Variants in MAN2A1 observed in about 807,000 individuals in gnomAD.
The protein encoded by MAN2A1 is alpha-mannosidase 2.
A neutral mutation model predicts 142.6 loss-of-function variants in MAN2A1; 76 were observed. The observed-to-expected ratio is 0.53, with a 90% confidence interval of 0.44 to 0.65. The LOEUF (loss-of-function observed/expected upper bound fraction) is 0.65. MAN2A1 is among the 30% of genes least tolerant of loss of function. The pLI, the probability that MAN2A1 is intolerant of heterozygous loss-of-function variation, is 0.00. For missense variants in MAN2A1, 1,311 were observed against 1,365.1 expected (o/e 0.96, Z 0.62); for synonymous variants, 559 against 473.2 (o/e 1.18, Z -2.35).
In MAN2A1 at chr5:109,845,053, TG is replaced by T. The variant is rs558095498; in HGVS notation, c.2701-809del. On this transcript the variant is annotated intron_variant, in intron 17 of 21. Coordinates refer to ENST00000261483, the MANE Select transcript of MAN2A1 (RefSeq NM_002372.4). Reference sequence around the variant, plus strand: ...TACTCCGGACCATGCCTTTCGTTAATGGGCACTTAATACATGTTAACTATTA... The same window carrying T: ...TACTCCGGACCATGCCTTTCGTTAATGGCACTTAATACATGTTAACTATTA... 2.1e-3 allele frequency among the ~76,000 whole-genome samples: 321 copies of T among 152,344 alleles called. 4 individuals are homozygous for T. Among genetic ancestry groups the T allele is most frequent in the Admixed American group, 3.5e-3 (53 of 15,298 alleles).
chr5:109,746,601 A>G (rs940975304), intron 4 of MAN2A1, among the ~76,000 whole-genome samples: 1 of 101,030 alleles, frequency 9.9e-6, no homozygotes, highest in East Asian at 2.6e-4. Flanking sequence ...GAGTGGGTCT[A>G]TTTTTTAAAT....
chr5:109,795,261 G>C (rs753987144), intron 12 of MAN2A1, among the ~76,000 whole-genome samples: 1 of 151,932 alleles, frequency 6.6e-6, no homozygotes, highest in Admixed American at 6.6e-5. Flanking sequence ...AGGAGAAAAG[G>C]CTCCACCTTT....
intron 5 of MAN2A1, among the ~76,000 whole-genome samples, chr5:109,762,696 A>T (rs1752884723): frequency 6.6e-6 from 1 of 152,104 alleles, no homozygotes; most frequent in African/African-American, 2.4e-5. Context: ...CAGGGGATGT[A>T]CTTATGACTC....
intron 4 of MAN2A1, among the ~76,000 whole-genome samples, chr5:109,737,196 G>C (rs756555980): frequency 6.8e-6 from 1 of 147,850 alleles, no homozygotes; most frequent in African/African-American, 2.5e-5. Context: ...CAGTTCAAGC[G>C]GTTCTCCTCC....
chr5:109,743,080 A>T (rs1330983228), intron 4 of MAN2A1, among the ~76,000 whole-genome samples: 1 of 152,032 alleles, frequency 6.6e-6, no homozygotes, highest in Non-Finnish European at 1.5e-5. Flanking sequence ...CGATCACTCC[A>T]TTCTCCTCGA....
At chr5:109,772,549 A>C (rs898944241) in intron 7 of MAN2A1, among the ~76,000 whole-genome samples, 16 of 152,150 alleles carry the variant, frequency 1.1e-4, no homozygotes, top group African/African-American at 3.9e-4. Flanking sequence ...TCTTTCTGTC[A>C]CCCAGGCTGA....
intron 16 of MAN2A1, among the ~76,000 whole-genome samples, chr5:109,833,451 C>T (rs1012333225): frequency 8.5e-5 from 13 of 152,126 alleles, no homozygotes; most frequent in South Asian, 2.1e-4. Context: ...GCAGATCACT[C>T]GTGGTTAGGA....
At chr5:109,792,447 C>G (rs1323517879) in intron 12 of MAN2A1, among the ~76,000 whole-genome samples, 1 of 152,032 alleles carries the variant, frequency 6.6e-6, no homozygotes, top group Non-Finnish European at 1.5e-5. Flanking sequence ...TTATTTATTA[C>G]ATGAAGTTAT....
chr5:109,818,634 TATC>T (rs1754537027), intron 13 of MAN2A1, among the ~76,000 whole-genome samples: 1 of 152,122 alleles, frequency 6.6e-6, no homozygotes, highest in Non-Finnish European at 1.5e-5. Context: ...TTAACCGAAA[TATC>T]ATAATATTGC....
At chr5:109,754,695 A>G (rs778829964) in intron 4 of MAN2A1, among the ~76,000 whole-genome samples, 16 of 152,210 alleles carry the variant, frequency 1.1e-4, no homozygotes, top group Non-Finnish European at 1.8e-4. Flanking sequence ...GGTGCTCTGC[A>G]AGATTCAGAA....
intron 12 of MAN2A1, among the ~76,000 whole-genome samples, chr5:109,795,111 G>A (rs1037887821): frequency 4.6e-5 from 7 of 152,074 alleles, no homozygotes; most frequent in African/African-American, 1.7e-4. Flanking sequence ...CTAGTGGTTG[G>A]TACTAGTGTT....
chr5:109,842,756 A>G (rs894452561), intron 17 of MAN2A1, among the ~76,000 whole-genome samples: 1 of 151,082 alleles, frequency 6.6e-6, no homozygotes, highest in African/African-American at 2.4e-5. Context: ...ATATGAATTT[A>G]TCTACCAGAA....
intron 12 of MAN2A1, among the ~76,000 whole-genome samples, chr5:109,813,141 T>C (rs377324175): frequency 1.4e-3 from 212 of 152,362 alleles, no homozygotes; most frequent in African/African-American, 5.0e-3. Flanking sequence ...TGCAAGTTTT[T>C]TTCTGTTCCA....
intron 3 of MAN2A1, among the ~76,000 whole-genome samples, chr5:109,721,713 G>A (rs1443856611): frequency 6.6e-6 from 1 of 152,116 alleles, no homozygotes; most frequent in Non-Finnish European, 1.5e-5. Context: ...TCTCTCATTG[G>A]ACTTTATTCT....
At chr5:109,819,081 A>C (rs1331715531) in intron 13 of MAN2A1, among the ~76,000 whole-genome samples, 1 of 152,234 alleles carries the variant, frequency 6.6e-6, no homozygotes, top group Non-Finnish European at 1.5e-5. Flanking sequence ...ACCGTACTTC[A>C]AGTACCCATA....
intron 2 of MAN2A1, among the ~76,000 whole-genome samples, chr5:109,715,351 T>G (rs561484205): frequency 1.4e-5 from 2 of 140,406 alleles, no homozygotes; most frequent in Non-Finnish European, 3.2e-5. Flanking sequence ...TTAACATAAT[T>G]TAAATTTTAC....
chr5:109,729,531 T>C lies in MAN2A1; in HGVS notation c.707+18T>C, dbSNP rs1396460189. 1 of 1,380,764 alleles carries C rather than the reference T, an allele frequency of 7.2e-7. No homozygotes were observed. 85.5% of individuals were successfully genotyped at this position (1,380,764 alleles called of 1,614,324 possible). On this transcript the variant is annotated intron_variant, in intron 4 of 21. Transcript: ENST00000261483. ...GTTAAAAGGTTTGTTTTAAAACTTT[T>C]TTGGAATTTGGTAATATTAAAGCTT...
intron 16 of MAN2A1, among the ~76,000 whole-genome samples, chr5:109,836,762 A>T (rs1043152231): frequency 6.6e-6 from 1 of 152,144 alleles, no homozygotes; most frequent in Non-Finnish European, 1.5e-5. Context: ...TTCTGACTTC[A>T]CACATTACAG....
rs905150585 is a variant in MAN2A1, at chr5:109,784,941, G to C, written c.1760+15G>C. Reference sequence around the variant, plus strand: ...TATGGTACCAGGTAATCTAATTATAGAAAAATCATCTTTAAAAAAATCATT... The same window carrying C: ...TATGGTACCAGGTAATCTAATTATACAAAAATCATCTTTAAAAAAATCATT... On this transcript the variant is annotated intron_variant, in intron 10 of 21. Transcript: ENST00000261483. 6.5e-7 allele frequency: 1 copy of C among 1,546,882 alleles called. No individual in the cohort carries two copies. The highest frequency in any genetic ancestry group is 8.7e-7 in the Non-Finnish European group (1 of 1,149,036).
Sources: allele counts gnomAD v4.1 joint callset (sites outside exome capture counted in the v4.1 genomes callset), GRCh38; gene constraint gnomAD v4.1.1; transcripts MANE v1.5; gene names NCBI Gene and HGNC (gene_info 2026-07-23, HGNC 2026-07-21).